Variants in UNC5D observed in about 807,000 individuals in gnomAD.
The protein encoded by UNC5D is netrin receptor UNC5D.
In UNC5D, 39 loss-of-function variants were observed where a neutral mutation model predicts 105.4. The observed-to-expected ratio is 0.37, with a 90% CI of 0.29 to 0.48. UNC5D has a LOEUF of 0.48. Among genes scored for constraint, UNC5D ranks in the 20% least tolerant of loss-of-function variants. The pLI is 0.98. For synonymous variants in UNC5D, 452 were observed against 450.4 expected (o/e 1.00, Z -0.04); for missense variants, 991 against 1,202.4 (o/e 0.82, Z 2.60).
At chr8:35,784,616 C>A (rs1802659722) in intron 16 of UNC5D, among the ~76,000 whole-genome samples, 1 of 151,964 alleles carries the variant, frequency 6.6e-6, no homozygotes, top group African/African-American at 2.4e-5. Context: ...GGCATGGTGG[C>A]ACACACCTGT....
intron 1 of UNC5D, among the ~76,000 whole-genome samples, chr8:35,290,461 C>T (rs189553681): frequency 6.6e-6 from 1 of 151,772 alleles, no homozygotes; most frequent in East Asian, 1.9e-4. Context: ...ACAGTGGTTA[C>T]CAGAGGCTGG....
chr8:35,662,073 A>T (rs1036069053), intron 4 of UNC5D, among the ~76,000 whole-genome samples: 3 of 151,562 alleles, frequency 2.0e-5, no homozygotes, highest in African/African-American at 7.3e-5. Context: ...AGGACTAATT[A>T]CTCTCATTAA....
chr8:35,290,277 A>G (rs578225003), intron 1 of UNC5D, among the ~76,000 whole-genome samples: 1 of 152,320 alleles, frequency 6.6e-6, no homozygotes, highest in African/African-American at 2.4e-5. Flanking sequence ...TGGATAAAGA[A>G]AAGATGGTGT....
At chr8:35,743,731 CCT>C (rs1829876595) in intron 11 of UNC5D, among the ~76,000 whole-genome samples, 1 of 151,988 alleles carries the variant, frequency 6.6e-6, no homozygotes, top group Non-Finnish European at 1.5e-5. Flanking sequence ...TTGTCTCTCT[CCT>C]CTCTCCTTCA....
chr8:35,374,981 A>C (rs1534588), intron 1 of UNC5D, among the ~76,000 whole-genome samples: 152,250 of 152,252 alleles, frequency 1, 76,124 homozygotes, highest in Middle Eastern at 1. Context: ...TTTTTACAAC[A>C]TTTTCTATAT....
intron 1 of UNC5D, among the ~76,000 whole-genome samples, chr8:35,418,395 C>T (rs1187348910): frequency 6.6e-6 from 1 of 152,136 alleles, no homozygotes; most frequent in Non-Finnish European, 1.5e-5. Flanking sequence ...TTGCTTCATA[C>T]TTGACATGTA....
Position 35,503,269 on chromosome 8 carries a change from T to C in UNC5D, c.104-46023T>C, listed in dbSNP as rs535748643. On this transcript the variant is annotated intron_variant, in intron 1 of 16. Coordinates refer to ENST00000404895, the MANE Select transcript of UNC5D (RefSeq NM_080872.4). ...TGATAAAGAGATACCTGAGACTGAG[T>C]AATTTATAAAGAAAAAGAGGTTTAA... 2.0e-5 allele frequency among the ~76,000 whole-genome samples: 3 copies of C among 152,132 alleles called. No individual in the cohort carries two copies. The South Asian group carries it at 6.2e-4, about 32-fold the overall frequency.
chr8:35,436,487 A>G (rs889129163), intron 1 of UNC5D, among the ~76,000 whole-genome samples: 56 of 152,042 alleles, frequency 3.7e-4, no homozygotes, highest in African/African-American at 1.3e-3. Context: ...AAAAGCCCTG[A>G]ACTGAGTCCT....
intron 1 of UNC5D, among the ~76,000 whole-genome samples, chr8:35,533,141 A>G (rs1814535376): frequency 6.6e-6 from 1 of 151,770 alleles, no homozygotes; most frequent in African/African-American, 2.4e-5. Context: ...TAGAGTTTCC[A>G]GTTTTTCTGT....
At chr8:35,380,284 C>T (rs553558460) in intron 1 of UNC5D, among the ~76,000 whole-genome samples, 1 of 151,204 alleles carries the variant, frequency 6.6e-6, no homozygotes, top group African/African-American at 2.4e-5. Context: ...AGGTCCTAGT[C>T]CCACTATGAG....
intron 7 of UNC5D, 113 bp from the exon 8 acceptor site, chr8:35,705,816 A>T: frequency 1.7e-6 from 1 of 600,528 alleles, no homozygotes; most frequent in Non-Finnish European, 2.6e-6. Context: ...TGTCCATAAA[A>T]ATGGAGAAAA....
At chr8:35,770,121 T>C (rs1189698208) in intron 15 of UNC5D, among the ~76,000 whole-genome samples, 1 of 152,142 alleles carries the variant, frequency 6.6e-6, no homozygotes, top group South Asian at 2.1e-4. Flanking sequence ...TTAGGAATAA[T>C]AGATCAATTT....
intron 11 of UNC5D, among the ~76,000 whole-genome samples, chr8:35,738,842 G>A (rs1440588042): frequency 2.6e-5 from 4 of 152,294 alleles, no homozygotes; most frequent in Admixed American, 1.3e-4. Flanking sequence ...ATGAAAATGC[G>A]TGAATCGTCC....
chr8:35,471,057 T>A (rs1239922497), intron 1 of UNC5D, among the ~76,000 whole-genome samples: 1 of 152,086 alleles, frequency 6.6e-6, no homozygotes, highest in East Asian at 1.9e-4. Context: ...AAACCTGACT[T>A]CTCAGTTCTA....
intron 1 of UNC5D, among the ~76,000 whole-genome samples, chr8:35,327,316 A>G (rs902068812): frequency 2.0e-5 from 3 of 152,236 alleles, no homozygotes; most frequent in Admixed American, 1.3e-4. Context: ...ATGATTATAA[A>G]GATGCCATTT....
intron 1 of UNC5D, among the ~76,000 whole-genome samples, chr8:35,263,159 A>G (rs1804604833): frequency 1.3e-5 from 2 of 152,040 alleles, no homozygotes; most frequent in Non-Finnish European, 2.9e-5. Context: ...AGGCTGACAA[A>G]CTCCTATTTA....
chr8:35,357,636 A>G (rs973767642), intron 1 of UNC5D, among the ~76,000 whole-genome samples: 1 of 152,146 alleles, frequency 6.6e-6, no homozygotes, highest in African/African-American at 2.4e-5. Flanking sequence ...TTAGATTACA[A>G]GTTTGAGGGA....
chr8:35,343,660 C>T (rs1811610385), intron 1 of UNC5D, among the ~76,000 whole-genome samples: 1 of 152,020 alleles, frequency 6.6e-6, no homozygotes, highest in Admixed American at 6.6e-5. Context: ...AATGAAGAAA[C>T]TAAAAATCTT....
intron 4 of UNC5D, among the ~76,000 whole-genome samples, chr8:35,638,317 A>G (rs1241544547): frequency 6.6e-6 from 1 of 152,234 alleles, no homozygotes; most frequent in Non-Finnish European, 1.5e-5. Flanking sequence ...ACTCTTTTAA[A>G]TACAGTAAGA....
Sources: allele counts gnomAD v4.1 joint callset (sites outside exome capture counted in the v4.1 genomes callset), GRCh38; gene constraint gnomAD v4.1.1; transcripts MANE v1.5; gene names NCBI Gene and HGNC (gene_info 2026-07-23, HGNC 2026-07-21).